METTL15: variants seen among roughly 807,000 people sequenced by gnomAD.
METTL15 encodes the protein methyltransferase 15, mitochondrial 12S rRNA N4-cytidine.
METTL15 carries 34 observed loss-of-function variants against 38.3 expected under a neutral mutation model. That is an observed-to-expected ratio of 0.89 (90% CI 0.68 to 1.18). The LOEUF (loss-of-function observed/expected upper bound fraction) is 1.18. Ranked by LOEUF, METTL15 falls within the 50% of genes most tolerant of loss-of-function variation. METTL15 has a pLI of 0.00. For synonymous variants in METTL15, 162 were observed against 170.9 expected (o/e 0.95, Z 0.41); for missense variants, 438 against 498.4 (o/e 0.88, Z 1.15).
rs900487019 is a variant in METTL15, at chr11:28,194,284, T to C, written c.271-16778T>C. Among the ~76,000 whole-genome samples the C allele has an allele frequency of 3.3e-5, 5 of 151,514 alleles. No individual in the cohort carries two copies. In the South Asian group the frequency reaches 6.3e-4, roughly 19 times the overall value. On this transcript the variant is annotated intron_variant, in intron 3 of 6. Transcript: ENST00000407364. ...TGCGATCTCAGCTCACAGCAACCTC[T>C]ACCTCCTGGGTTCAAGCAATTCTCC...
chr11:28,237,063 T>C (rs1403466039), intron 4 of METTL15, among the ~76,000 whole-genome samples: 21 of 152,164 alleles, frequency 1.4e-4, no homozygotes. Context: ...CTTTGGTGAA[T>C]CTGATAATTA....
In METTL15 at chr11:28,332,324, T is replaced by G. The variant is rs1412080773; in HGVS notation, c.*1483T>G. On this transcript the variant is annotated 3_prime_UTR_variant, in exon 7 of 7. Transcript: ENST00000407364. ...ACTTGAACATTGTATAAATTTCTCT[T>G]TGCATATAATACATATTTGTGAATG... The G allele has an allele frequency of 3.3e-5, 5 of 152,172 alleles. No individual in the cohort carries two copies. The highest frequency in any genetic ancestry group is 7.2e-5 in the African/African-American group (3 of 41,448). The allele number at this position is 152,172 out of a possible 1,614,324, so 9.4% of individuals were successfully genotyped here.
intron 3 of METTL15, among the ~76,000 whole-genome samples, chr11:28,157,175 A>G (rs994901324): frequency 6.6e-6 from 1 of 152,192 alleles, no homozygotes; most frequent in African/African-American, 2.4e-5. Flanking sequence ...GGCCTCTCCT[A>G]CATCCAACAA....
chr11:28,390,217 A>G (rs1270826863), intron 5 of METTL15, among the ~76,000 whole-genome samples: 1 of 151,526 alleles, frequency 6.6e-6, no homozygotes, highest in African/African-American at 2.4e-5. Context: ...TGCTGTGCAG[A>G]AGCTCTTTAG....
intron 6 of METTL15, among the ~76,000 whole-genome samples, chr11:28,469,044 C>T (rs1851280894): frequency 6.6e-6 from 1 of 152,096 alleles, no homozygotes; most frequent in African/African-American, 2.4e-5. Context: ...TAGCAGACAT[C>T]ATTTTCCAAA....
intron 4 of METTL15, among the ~76,000 whole-genome samples, chr11:28,260,795 ATGT>A (rs371380130): frequency 1.3e-5 from 2 of 152,302 alleles, no homozygotes; most frequent in African/African-American, 4.8e-5. Flanking sequence ...GGAATCATAG[ATGT>A]TGTGCTGGCA....
intron 6 of METTL15, among the ~76,000 whole-genome samples, chr11:28,313,490 T>A (rs980893649): frequency 6.6e-6 from 1 of 151,990 alleles, no homozygotes; most frequent in African/African-American, 2.4e-5. Context: ...ACAGGATTTT[T>A]ATTTTTCTAT....
chr11:28,316,955 C>T (rs1253847692), intron 6 of METTL15, among the ~76,000 whole-genome samples: 1 of 152,052 alleles, frequency 6.6e-6, no homozygotes, highest in African/African-American at 2.4e-5. Flanking sequence ...GACTCGGGTA[C>T]GTCTTTATCA....
chr11:28,480,075 A>T (rs1348054203), intron 6 of METTL15, among the ~76,000 whole-genome samples: 1 of 152,226 alleles, frequency 6.6e-6, no homozygotes, highest in Non-Finnish European at 1.5e-5. Flanking sequence ...TCAGTGTTGT[A>T]TGTAGCTTAT....
At chr11:28,486,635 C>T (rs981375898) in intron 6 of METTL15, among the ~76,000 whole-genome samples, 1 of 152,100 alleles carries the variant, frequency 6.6e-6, no homozygotes, top group Admixed American at 6.6e-5. Context: ...ATGTGGTTGC[C>T]CAGAAGTAAC....
chr11:28,353,203 G>A (rs1439740260), intron 4 of METTL15, among the ~76,000 whole-genome samples: 2 of 152,162 alleles, frequency 1.3e-5, no homozygotes, highest in Middle Eastern at 3.2e-3. Flanking sequence ...AGGGGGTGAT[G>A]ACCAACTGGG....
intron 6 of METTL15, among the ~76,000 whole-genome samples, chr11:28,485,175 T>A (rs1851428414): frequency 6.6e-6 from 1 of 151,934 alleles, no homozygotes; most frequent in Admixed American, 6.6e-5. Context: ...GCATGGGCAT[T>A]CTTGTTTCAG....
intron 6 of METTL15, among the ~76,000 whole-genome samples, chr11:28,459,276 A>G (rs1210330650): frequency 6.6e-6 from 1 of 152,140 alleles, no homozygotes; most frequent in East Asian, 1.9e-4. Flanking sequence ...TTACAATATC[A>G]TTTTCTGTCT....
intron 3 of METTL15, chr11:28,145,636 A>T (rs926117986): frequency 6.6e-6 from 1 of 151,968 alleles, no homozygotes; most frequent in Non-Finnish European, 1.5e-5. Flanking sequence ...GTGGTCCTTT[A>T]CCCATTCTCC....
At chr11:28,196,767 G>A (rs1197444494) in intron 3 of METTL15, among the ~76,000 whole-genome samples, 1 of 151,532 alleles carries the variant, frequency 6.6e-6, no homozygotes, top group East Asian at 1.9e-4. Flanking sequence ...CTTCATTTAA[G>A]TCAACTGGCC....
At chr11:28,416,255 T>C (rs1235329294) in intron 5 of METTL15, among the ~76,000 whole-genome samples, 1 of 152,162 alleles carries the variant, frequency 6.6e-6, no homozygotes, top group Non-Finnish European at 1.5e-5. Flanking sequence ...GTGTTCAAGC[T>C]CTATCTATAC....
chr11:28,110,758 T>G (rs991520397), intron 2 of METTL15, among the ~76,000 whole-genome samples: 2 of 152,208 alleles, frequency 1.3e-5, no homozygotes, highest in Admixed American at 6.5e-5. Context: ...GTTAGAGCCC[T>G]TGAGGGAGTA....
At chr11:28,393,982 ATGTG>A (rs1590359249) in intron 5 of METTL15, among the ~76,000 whole-genome samples, 1 of 117,302 alleles carries the variant, frequency 8.5e-6, no homozygotes, top group Non-Finnish European at 1.9e-5. Context: ...ATGTGTGTGT[ATGTG>A]TGTGTTTGTG....
intron 3 of METTL15, among the ~76,000 whole-genome samples, chr11:28,174,060 G>T (rs912225083): frequency 2.6e-5 from 4 of 152,138 alleles, no homozygotes; most frequent in African/African-American, 9.7e-5. Context: ...TTGCCATGCT[G>T]TACTCTTTGG....
Sources: gnomAD v4.1 joint callset for allele counts (sites outside exome capture counted in the v4.1 genomes callset) on GRCh38, gnomAD v4.1.1 for gene constraint, MANE v1.5 for transcripts, NCBI Gene and HGNC (gene_info 2026-07-23, HGNC 2026-07-21) for gene names.